Variants in PRAG1 observed in about 807,000 individuals in gnomAD.
PRAG1 encodes the protein PEAK1 related, kinase-activating pseudokinase 1, also known as inactive tyrosine-protein kinase PRAG1.
PRAG1 carries 110 observed loss-of-function variants against 95.6 expected under a neutral mutation model. The observed-to-expected ratio is 1.15, with a 90% CI of 0.99 to 1.35. PRAG1 has a LOEUF of 1.35. PRAG1 is among the 40% of genes most tolerant of loss of function. PRAG1 has a pLI of 0.00. For missense variants in PRAG1, 2,554 were observed against 1,864.7 expected (o/e 1.37, Z -6.81); for synonymous variants, 1,052 against 819.4 (o/e 1.28, Z -4.85).
chr8:8,347,083 C>T (rs113805422), intron 3 of PRAG1, among the ~76,000 whole-genome samples: 1 of 152,160 alleles, frequency 6.6e-6, no homozygotes, highest in South Asian at 2.1e-4. Context: ...TTTTCAATTA[C>T]AAAGAAGAAA....
rs1233747885 is a variant in PRAG1 at position 8,318,805 on chromosome 8, G to T, written c.3570C>A (p.Gly1190=). 2 of 1,471,008 alleles carry T rather than the reference G, an allele frequency of 1.4e-6. No homozygotes were observed. Among genetic ancestry groups the T allele is most frequent in the Non-Finnish European group, 9.0e-7 (1 of 1,108,528 alleles). The allele number at this position is 1,471,008 out of a possible 1,614,324, so 91.1% of individuals were successfully genotyped here. The change falls in exon 6 of 6, where the codon GGC becomes GGA. Residue 1190 remains glycine, a synonymous_variant. Transcript: ENST00000615670. This position sits in a 1 kb window ranked among gnomAD's most constrained non-coding sequence, Gnocchi z 4.2. ...CGGGGCCGGCTGCGGGGCTGAGAGT[G>T]CCACCAGCAGGCGGGGCGGCAGAGG... ...PCSSAAPPAG[G]TLSPAAGPAS... is the part of the protein sequence containing the mutation.
intron 5 of PRAG1, among the ~76,000 whole-genome samples, chr8:8,320,602 TTGTAGAAAGACAAAGATCAATGTGTAA>T (rs1275894581): frequency 6.6e-6 from 1 of 152,174 alleles, no homozygotes; most frequent in African/African-American, 2.4e-5. Flanking sequence ...CACCCAGGCT[TTGTAGAAAGACAAAGATCAATGTGTAA>T]TGTAGAAAGA....
Position 8,318,849 on chromosome 8 carries a change from CGGCGGGGGCGGGAGCCGG to C in PRAG1, c.3508_3525del (p.Pro1170_Ala1175del), listed in dbSNP as rs1416824190. 92 of 930,372 alleles carry C rather than the reference CGGCGGGGGCGGGAGCCGG, an allele frequency of 9.9e-5. 1 individual carries two copies. In the African/African-American group the frequency reaches 2.1e-3, roughly 21 times the overall value. 57.6% of individuals were successfully genotyped at this position (930,372 alleles called of 1,614,324 possible). A position where few individuals can be genotyped will look rare whatever the true frequency, so the allele number is the denominator to read the frequency against. ...GCAGAGGAGCAGGGAGGCGCGGCGG[CGGCGGGGGCGGGAGCCGG>C]GGCGGGGGCGGGGGCGGGCCCGGGG... On this transcript the variant is annotated inframe_deletion, in exon 6 of 6. Coordinates refer to ENST00000615670, the MANE Select transcript of PRAG1 (RefSeq NM_001080826.3). This position sits in a 1 kb window ranked among gnomAD's most constrained non-coding sequence, Gnocchi z 4.2.
chr8:8,328,621 G>GA (rs1384801483), intron 4 of PRAG1, among the ~76,000 whole-genome samples, 160 bp from the exon 5 acceptor site: 1 of 152,062 alleles, frequency 6.6e-6, no homozygotes, highest in Non-Finnish European at 1.5e-5. Flanking sequence ...ATGCACAATG[G>GA]AAAAAATCAA....
rs562232404 is a variant in PRAG1, at chr8:8,335,295, G to C, written c.2320+4183C>G. ...ACCTAGACATGCATCAGCAAGAGAG[G>C]GATTTATAACCAAATAATATAATGA... On this transcript the variant is annotated intron_variant, in intron 4 of 5. Transcript: ENST00000615670. Among the ~76,000 whole-genome samples, 56 of 152,098 alleles carry C rather than the reference G, an allele frequency of 3.7e-4. 1 individual carries two copies. The South Asian group carries it at 0.011, about 29-fold the overall frequency.
intron 5 of PRAG1, among the ~76,000 whole-genome samples, chr8:8,326,117 A>T (rs974741097): frequency 4.1e-5 from 6 of 147,844 alleles, no homozygotes; most frequent in Non-Finnish European, 8.9e-5. Flanking sequence ...TTATAATAAT[A>T]CTATTACTAC....
chr8:8,325,462 G>C (rs1255457182), intron 5 of PRAG1, among the ~76,000 whole-genome samples: 1 of 152,146 alleles, frequency 6.6e-6, no homozygotes, highest in Non-Finnish European at 1.5e-5. Flanking sequence ...TGTGGCTTCT[G>C]TTTCTAATGA....
intron 4 of PRAG1, among the ~76,000 whole-genome samples, chr8:8,335,490 G>A (rs1263128702): frequency 1.3e-5 from 2 of 152,200 alleles, no homozygotes; most frequent in East Asian, 3.9e-4. Flanking sequence ...GAGCTGGGAT[G>A]GGGTGTCAGA....
intron 5 of PRAG1, among the ~76,000 whole-genome samples, chr8:8,323,351 C>T (rs1770019006): frequency 7.0e-6 from 1 of 142,296 alleles, no homozygotes; most frequent in Non-Finnish European, 1.5e-5. Context: ...TAGAGTCTTG[C>T]TCTGTTGCCC....
chr8:8,333,991 C>G (rs1481527128), intron 4 of PRAG1, among the ~76,000 whole-genome samples: 1 of 152,202 alleles, frequency 6.6e-6, no homozygotes, highest in African/African-American at 2.4e-5. Context: ...CTGCCAACCC[C>G]CATTAACTAT....
chr8:8,348,623 G>A (rs1315195522), intron 3 of PRAG1, among the ~76,000 whole-genome samples: 1 of 152,006 alleles, frequency 6.6e-6, no homozygotes, highest in East Asian at 1.9e-4. Context: ...GTGGCTCAGA[G>A]GAAATGCTCC....
Position 8,318,777 on chromosome 8 carries a change from A to G in PRAG1, c.3598T>C (p.Ser1200Pro), listed in dbSNP as rs764304393. The change falls in exon 6 of 6, where the codon TCC (serine) becomes CCC (proline). Residue 1200 changes from serine (S) to proline (P), a missense_variant. By Grantham distance (74) the Ser-to-Pro change is moderately conservative (BLOSUM62 -1). Coordinates refer to ENST00000615670, the MANE Select transcript of PRAG1 (RefSeq NM_001080826.3). The surrounding 1 kb of genome is among the most constrained non-coding windows in gnomAD (Gnocchi z 4.2). ...GTLSPAAGPA[S>P]PEGPREKQLP... ...TGCTTCTCCCGGGGCCCTTCCGGGG[A>G]GGCGGGGCCGGCTGCGGGGCTGAGA... 3.9e-6 allele frequency: 6 copies of G among 1,541,704 alleles called. No individual in the cohort carries two copies. Among genetic ancestry groups the G allele is most frequent in the Admixed American group, 1.9e-5 (1 of 52,918 alleles).
intron 1 of PRAG1, among the ~76,000 whole-genome samples, chr8:8,384,014 T>G (rs775893657): frequency 7.2e-5 from 11 of 152,318 alleles, no homozygotes; most frequent in Non-Finnish European, 1.3e-4. Flanking sequence ...CCACCTCCAC[T>G]GCAGGCAGAT....
chr8:8,375,777 G>A (rs551608984), intron 3 of PRAG1, among the ~76,000 whole-genome samples: 17 of 152,020 alleles, frequency 1.1e-4, no homozygotes, highest in South Asian at 6.2e-4. Flanking sequence ...CTCCTGCTTC[G>A]GCCTCCCAAA....
intron 4 of PRAG1, among the ~76,000 whole-genome samples, chr8:8,331,468 A>AGCTACTCT (rs918723439): frequency 7.9e-5 from 12 of 152,140 alleles, no homozygotes; most frequent in Non-Finnish European, 1.6e-4. Context: ...CTATAATTTC[A>AGCTACTCT]GCTACTCTCT....
chr8:8,378,229 C>T (rs1224775046), intron 2 of PRAG1, 151 bp from the exon 3 acceptor site: 3 of 853,158 alleles, frequency 3.5e-6, no homozygotes, highest in Non-Finnish European at 5.1e-6. Flanking sequence ...CAGTGCACGC[C>T]CACCTTCTCA....
intron 5 of PRAG1, among the ~76,000 whole-genome samples, chr8:8,320,309 G>C (rs1464700616): frequency 6.6e-6 from 1 of 152,198 alleles, no homozygotes; most frequent in African/African-American, 2.4e-5. Context: ...GGCACCATCT[G>C]AGATGAAGGT....
chr8:8,357,300 A>G (rs1453127503), intron 3 of PRAG1, among the ~76,000 whole-genome samples: 1 of 152,210 alleles, frequency 6.6e-6, no homozygotes, highest in Non-Finnish European at 1.5e-5. Context: ...AGCGGTTAAT[A>G]TCCAAAATAA....
intron 3 of PRAG1, among the ~76,000 whole-genome samples, chr8:8,367,850 C>T (rs1006663538): frequency 6.6e-6 from 1 of 152,090 alleles, no homozygotes; most frequent in Non-Finnish European, 1.5e-5. Flanking sequence ...ACCACGTTAG[C>T]CAGGATGGTC....
Sources: gnomAD v4.1 joint callset for allele counts (sites outside exome capture counted in the v4.1 genomes callset) on GRCh38, gnomAD v4.1.1 for gene constraint, Gnocchi (gnomAD v3.1) non-coding constraint, MANE v1.5 for transcripts, NCBI Gene and HGNC (gene_info 2026-07-23, HGNC 2026-07-21) for gene names.